The following ERC2 variants were observed in gnomAD, a reference collection of about 807,000 sequenced individuals.
ERC2 encodes ERC protein 2.
ERC2 carries 42 observed loss-of-function variants against 114.8 expected under a neutral mutation model. That is an observed-to-expected ratio of 0.37 (90% CI 0.29 to 0.47). The LOEUF (loss-of-function observed/expected upper bound fraction) is 0.47, where lower values mean the gene tolerates loss of function less well. Among genes scored for constraint, ERC2 ranks in the 20% least tolerant of loss-of-function variants. ERC2 has a pLI of 0.99. For synonymous variants in ERC2, 454 were observed against 425.5 expected, an observed-to-expected ratio of 1.07 and a Z score of -0.82; for missense variants, 939 against 1,150.7, an observed-to-expected ratio of 0.82 and a Z score of 2.66.
chr3:56,103,440 C>A (rs1030118824), intron 6 of ERC2, among the ~76,000 whole-genome samples: 1 of 152,316 alleles, frequency 6.6e-6, no homozygotes, highest in South Asian at 2.1e-4. Flanking sequence ...ACACAACCTT[C>A]CCTCCTCTCT....
intron 2 of ERC2, among the ~76,000 whole-genome samples, chr3:56,418,104 T>A (rs1197611486): frequency 6.6e-6 from 1 of 151,890 alleles, no homozygotes; most frequent in African/African-American, 2.4e-5. Context: ...CTGGCCAACA[T>A]AGCGAGACCC....
At chr3:55,547,465 C>T (rs374744400) in intron 17 of ERC2, among the ~76,000 whole-genome samples, 2 of 152,182 alleles carry the variant, frequency 1.3e-5, no homozygotes, top group East Asian at 1.9e-4. Context: ...TGGACGTTTC[C>T]GGTGCGCCTC....
At chr3:56,103,023 C>T (rs1001982388) in intron 6 of ERC2, among the ~76,000 whole-genome samples, 14 of 152,108 alleles carry the variant, frequency 9.2e-5, no homozygotes, top group Non-Finnish European at 1.3e-4. Flanking sequence ...ACTAAATAAA[C>T]ATCCCAATAA....
intron 4 of ERC2, among the ~76,000 whole-genome samples, chr3:56,151,687 A>G (rs189395763): frequency 5.9e-5 from 9 of 152,338 alleles, no homozygotes; most frequent in Non-Finnish European, 1.2e-4. Context: ...AAAAATCGCT[A>G]ACACTAAGAT....
chr3:56,465,315 C>T (rs1195705127), intron 1 of ERC2, among the ~76,000 whole-genome samples: 1 of 152,200 alleles, frequency 6.6e-6, no homozygotes, highest in Non-Finnish European at 1.5e-5. Context: ...AGGAGAATCA[C>T]TTGAACCCGG....
At chr3:56,085,355 G>C (rs566096255) in intron 6 of ERC2, among the ~76,000 whole-genome samples, 3 of 152,284 alleles carry the variant, frequency 2.0e-5, no homozygotes, top group Admixed American at 6.5e-5. Context: ...GATGTGTGGA[G>C]CCCCCAAGCC....
chr3:55,650,797 CT>C (rs2060585403), intron 17 of ERC2, among the ~76,000 whole-genome samples: 1 of 151,856 alleles, frequency 6.6e-6, no homozygotes, highest in African/African-American at 2.4e-5. Context: ...GAAAAGCCAC[CT>C]TTTTTGTATT....
At chr3:55,534,716 A>T (rs1017918997) in intron 17 of ERC2, among the ~76,000 whole-genome samples, 1 of 152,090 alleles carries the variant, frequency 6.6e-6, no homozygotes, top group African/African-American at 2.4e-5. Context: ...CTAGTACAGG[A>T]CCTGGTGCAA....
At chr3:55,715,850 T>A (rs1466664645) in intron 15 of ERC2, among the ~76,000 whole-genome samples, 1 of 152,196 alleles carries the variant, frequency 6.6e-6, no homozygotes, top group African/African-American at 2.4e-5. Flanking sequence ...ACTTCAAATT[T>A]CCATGTCTCA....
intron 7 of ERC2, among the ~76,000 whole-genome samples, chr3:56,078,530 T>C (rs1482433101): frequency 6.6e-5 from 10 of 152,136 alleles, no homozygotes; most frequent in Admixed American, 1.3e-4. Flanking sequence ...TTAGAATGCA[T>C]TGATAATCTA....
chr3:56,392,147 G>A (rs1187799591), intron 2 of ERC2, among the ~76,000 whole-genome samples: 1 of 152,152 alleles, frequency 6.6e-6, no homozygotes, highest in Non-Finnish European at 1.5e-5. Context: ...TTAAAGAAAT[G>A]TTTCAAATAT....
chr3:56,391,407 C>A (rs759614157), intron 2 of ERC2, among the ~76,000 whole-genome samples: 1 of 152,170 alleles, frequency 6.6e-6, no homozygotes, highest in Non-Finnish European at 1.5e-5. Context: ...GTTTATCAAT[C>A]ATTCACTCTG....
At chr3:56,124,898 T>C (rs2079787450) in intron 6 of ERC2, among the ~76,000 whole-genome samples, 1 of 152,236 alleles carries the variant, frequency 6.6e-6, no homozygotes, top group Admixed American at 6.5e-5. Context: ...CAAATCACTG[T>C]CTTATTCTCT....
intron 2 of ERC2, among the ~76,000 whole-genome samples, chr3:56,360,335 A>G (rs2058907005): frequency 6.6e-6 from 1 of 152,068 alleles, no homozygotes; most frequent in African/African-American, 2.4e-5. Flanking sequence ...TGCCCGGCCA[A>G]CAAAAGTCTT....
intron 2 of ERC2, among the ~76,000 whole-genome samples, chr3:56,392,713 C>T (rs978981773): frequency 3.3e-5 from 5 of 152,152 alleles, no homozygotes; most frequent in East Asian, 1.9e-4. Context: ...TACCTCGAGA[C>T]ATGACTTTTA....
chr3:55,837,123 G>A (rs994404114), intron 14 of ERC2, among the ~76,000 whole-genome samples: 5 of 152,218 alleles, frequency 3.3e-5, no homozygotes, highest in Non-Finnish European at 7.3e-5. Context: ...TGGAGAGGAT[G>A]TGGAGAAATA....
chr3:55,845,503 CA>C (rs764740068), intron 14 of ERC2, among the ~76,000 whole-genome samples: 3,320 of 63,980 alleles, frequency 0.052, 16 homozygotes, highest in African/African-American at 0.11. Flanking sequence ...GACTCCGTCT[CA>C]AAAAAAAAAA....
intron 15 of ERC2, among the ~76,000 whole-genome samples, chr3:55,714,667 G>GTGTGTATATA (rs2063990871): frequency 2.3e-5 from 2 of 88,594 alleles, no homozygotes; most frequent in African/African-American, 1.0e-4. Flanking sequence ...GTGTGTGTGT[G>GTGTGTATATA]TATATATATA....
chr3:56,042,750 G>A (rs2075262659), intron 7 of ERC2, among the ~76,000 whole-genome samples: 1 of 152,004 alleles, frequency 6.6e-6, no homozygotes, highest in African/African-American at 2.4e-5. Context: ...GTGCTTAACT[G>A]AATTTCAGAT....
Sources: allele counts gnomAD v4.1 joint callset (sites outside exome capture counted in the v4.1 genomes callset), GRCh38; gene constraint gnomAD v4.1.1; transcripts MANE v1.5; gene names NCBI Gene and HGNC (gene_info 2026-07-23, HGNC 2026-07-21).